NAV3: variants seen among roughly 807,000 people sequenced by gnomAD.
The protein encoded by NAV3 is neuron navigator 3, also known as pore membrane and/or filament interacting like protein 1.
Under a neutral mutation model 244.7 loss-of-function variants are expected in NAV3, and 87 were observed. The ratio of observed to expected loss-of-function variants is 0.36; its 90% CI spans 0.30 to 0.42. The LOEUF (loss-of-function observed/expected upper bound fraction) is 0.42. Among genes scored for constraint, NAV3 ranks in the 20% least tolerant of loss-of-function variants. The pLI is 1.00. For synonymous variants in NAV3, 1,126 were observed against 1,042.2 expected, an observed-to-expected ratio of 1.08 and a Z score of -1.55; for missense variants, 2,663 against 2,893.3, an observed-to-expected ratio of 0.92 and a Z score of 1.83.
intron 2 of NAV3, among the ~76,000 whole-genome samples, chr12:77,726,033 G>A (rs2137318034): frequency 6.6e-6 from 1 of 151,086 alleles, no homozygotes; most frequent in East Asian, 2.0e-4. Flanking sequence ...GGATAATCCA[G>A]GACAAACTCC....
In NAV3 at chr12:77,588,193, C is replaced by G. The variant is rs57221025; in HGVS notation, c.72+15927C>G. On this transcript the variant is annotated intron_variant, in intron 2 of 8. Coordinates refer to the NAV3 transcript ENST00000550042. ...AGTGCAGTGGTGTGATCACAGCACA[C>G]TGCAGCCTTGACTTCATGGGCTCAA... Among the ~76,000 whole-genome samples the G allele has an allele frequency of 6.3e-3, 962 of 152,094 alleles. 7 individuals carry two copies. Among genetic ancestry groups the G allele is most frequent in the African/African-American group, 0.022 (916 of 41,530 alleles).
At chr12:77,878,388 G>C (rs1444008969) in intron 1 of NAV3, among the ~76,000 whole-genome samples, 1 of 151,884 alleles carries the variant, frequency 6.6e-6, no homozygotes, top group Non-Finnish European at 1.5e-5. Flanking sequence ...ACCATGCCTG[G>C]CTAATTTTGG....
intron 2 of NAV3, among the ~76,000 whole-genome samples, chr12:77,729,900 C>T (rs1317547401): frequency 6.6e-6 from 1 of 151,948 alleles, no homozygotes; most frequent in Non-Finnish European, 1.5e-5. Flanking sequence ...TCCTTCTTTA[C>T]CCAGGATGCT....
intron 26 of NAV3, 84 bp downstream of exon 26, chr12:78,176,543 C>A: frequency 1.6e-6 from 2 of 1,218,192 alleles, no homozygotes; most frequent in Non-Finnish European, 2.4e-6. Context: ...TGGCAGTAGG[C>A]TTTTATACCT....
intron 2 of NAV3, among the ~76,000 whole-genome samples, chr12:77,640,674 T>C (rs1454114255): frequency 6.6e-6 from 1 of 152,144 alleles, no homozygotes; most frequent in Non-Finnish European, 1.5e-5. Flanking sequence ...GAAAATTTGC[T>C]GAGAAAGTAG....
Position 78,183,209 on chromosome 12 carries a change from A to T in NAV3, c.5692+2164A>T, listed in dbSNP as rs193079746. ...AAACAAAAATACAGAAGGCTCTCACATTAATCTTGCTGTTTTTCCTGGAGT... is the reference window on the plus strand; with the variant it reads ...AAACAAAAATACAGAAGGCTCTCACTTTAATCTTGCTGTTTTTCCTGGAGT... On this transcript the variant is annotated intron_variant, in intron 30 of 39. Transcript: ENST00000397909. 2.9e-4 allele frequency among the ~76,000 whole-genome samples: 44 copies of T among 152,074 alleles called. 2 individuals are homozygous for T. In the East Asian group the frequency reaches 4.1e-3, roughly 14 times the overall value.
At chr12:77,910,818 G>A (rs1447866871) in intron 1 of NAV3, among the ~76,000 whole-genome samples, 2 of 152,100 alleles carry the variant, frequency 1.3e-5, no homozygotes, top group Non-Finnish European at 1.5e-5. Context: ...CACCCTAATA[G>A]GTTGGTGGTG....
At chr12:77,685,671 T>A (rs1354312412) in intron 2 of NAV3, among the ~76,000 whole-genome samples, 1 of 152,174 alleles carries the variant, frequency 6.6e-6, no homozygotes, top group African/African-American at 2.4e-5. Flanking sequence ...CAGAGAACTG[T>A]AAGAATGGCT....
intron 1 of NAV3, among the ~76,000 whole-genome samples, chr12:77,896,888 T>C (rs1486119701): frequency 6.6e-6 from 1 of 152,150 alleles, no homozygotes; most frequent in Non-Finnish European, 1.5e-5. Flanking sequence ...GAGCAAAGCT[T>C]TAGGTCATGG....
Position 78,199,517 on chromosome 12 carries a change from C to T in NAV3, c.6701C>T (p.Ser2234Phe). 6.3e-7 allele frequency: 1 copy of T among 1,588,256 alleles called. No homozygotes were observed. Among genetic ancestry groups the T allele is most frequent in the Non-Finnish European group, 8.5e-7 (1 of 1,170,336 alleles). Residue 2234 changes from serine to phenylalanine, a missense_variant, in exon 37 of 40, where the codon TCT becomes TTT. By Grantham distance (155) the Ser-to-Phe change is radical (BLOSUM62 -2). Transcript: ENST00000397909. The stretch of plus-strand genomic sequence containing the variant: ...AGTTTTTTGGAAACACACAGTTCTT[C>T]TGACGTTACCATTGGTGAGTTCCAA... ...LNSFLETHSS[S>F]DVTIGPRLFL...
At chr12:77,641,153 A>G (rs1453772324) in intron 2 of NAV3, among the ~76,000 whole-genome samples, 5 of 151,960 alleles carry the variant, frequency 3.3e-5, no homozygotes, top group South Asian at 2.1e-4. Flanking sequence ...TTTCTTTCTC[A>G]TTTCCCCTTT....
chr12:78,047,937 T>C (rs1050659702), intron 9 of NAV3, among the ~76,000 whole-genome samples: 2 of 152,184 alleles, frequency 1.3e-5, no homozygotes, highest in African/African-American at 4.8e-5. Flanking sequence ...ATCTTGTCTT[T>C]ATGCTTTATT....
At chr12:77,779,106 C>G (rs948540216) in intron 2 of NAV3, among the ~76,000 whole-genome samples, 16 of 152,282 alleles carry the variant, frequency 1.1e-4, no homozygotes, top group African/African-American at 3.6e-4. Context: ...TGTAATGACA[C>G]TTTTGTGGCA....
At position 77,577,001 on chromosome 12, in the gene NAV3, T is replaced by A. The variant is rs551973452; in HGVS notation, c.72+4735T>A. ...AGTAAGAATGAATTGTAGTGTCAGT[T>A]TCAACAAAAGTGGTTAGTCATTCAA... On this transcript the variant is annotated intron_variant, in intron 2 of 8. Transcript: ENST00000550042. 4.6e-5 allele frequency among the ~76,000 whole-genome samples: 7 copies of A among 152,236 alleles called. No homozygotes were observed. The South Asian group carries it at 1.5e-3, about 32-fold the overall frequency.
At chr12:78,057,582 G>A (rs918764940) in intron 11 of NAV3, among the ~76,000 whole-genome samples, 1 of 152,186 alleles carries the variant, frequency 6.6e-6, no homozygotes, top group Non-Finnish European at 1.5e-5. Flanking sequence ...AAAATAGCTA[G>A]TATTTTTAAA....
intron 2 of NAV3, among the ~76,000 whole-genome samples, chr12:77,820,148 A>G (rs1254365462): frequency 1.3e-5 from 2 of 152,042 alleles, no homozygotes; most frequent in African/African-American, 4.8e-5. Context: ...ATAAAAAAGG[A>G]AAGGAAAACT....
At chr12:77,836,291 G>A (rs1309523482) in intron 1 of NAV3, among the ~76,000 whole-genome samples, 2 of 152,094 alleles carry the variant, frequency 1.3e-5, no homozygotes, top group Non-Finnish European at 2.9e-5. Flanking sequence ...GCACTTCCTG[G>A]CTTTTACATC....
At chr12:77,790,734 A>G (rs1273418675) in intron 2 of NAV3, among the ~76,000 whole-genome samples, 1 of 152,188 alleles carries the variant, frequency 6.6e-6, no homozygotes, top group Non-Finnish European at 1.5e-5. Context: ...TATGGGATTC[A>G]TAATCAAGAG....
chr12:77,780,582 G>A (rs972124240), intron 2 of NAV3, among the ~76,000 whole-genome samples: 1 of 152,140 alleles, frequency 6.6e-6, no homozygotes, highest in Non-Finnish European at 1.5e-5. Context: ...AAGTTTGTGC[G>A]AAGATTGGTC....
Sources: allele counts gnomAD v4.1 joint callset (sites outside exome capture counted in the v4.1 genomes callset), GRCh38; gene constraint gnomAD v4.1.1; transcripts MANE v1.5; gene names NCBI Gene and HGNC (gene_info 2026-07-23, HGNC 2026-07-21).